The following NCAPG variants were observed in gnomAD, a reference collection of about 807,000 sequenced individuals.
NCAPG encodes condensin complex subunit 3.
In NCAPG, 69 loss-of-function variants were observed where a neutral mutation model predicts 113.1. That is an observed-to-expected ratio of 0.61 (90% CI 0.50 to 0.75). The LOEUF is 0.75. NCAPG is among the 30% of genes least tolerant of loss of function. NCAPG has a pLI of 0.00. For synonymous variants in NCAPG, 370 were observed against 415.8 expected, an observed-to-expected ratio of 0.89 and a Z score of 1.34; for missense variants, 1,058 against 1,177.0, an observed-to-expected ratio of 0.90 and a Z score of 1.48.
At chr4:17,835,394 G>A (rs1450422702) in intron 14 of NCAPG, among the ~76,000 whole-genome samples, 1 of 152,006 alleles carries the variant, frequency 6.6e-6, no homozygotes, top group Non-Finnish European at 1.5e-5. Flanking sequence ...GTCTCGCTCT[G>A]TTGCCCAGGC....
At position 17,811,595 on chromosome 4, in the gene NCAPG, C is replaced by T. The variant is rs1720953170; in HGVS notation, c.111+407C>T. 6.6e-6 allele frequency among the ~76,000 whole-genome samples: 1 copy of T among 152,176 alleles called. No individual in the cohort carries two copies. The highest frequency in any genetic ancestry group is 1.5e-5 in the Non-Finnish European group (1 of 68,030). On this transcript the variant is annotated intron_variant, in intron 1 of 20. Transcript: ENST00000251496. This position sits in a 1 kb window ranked among gnomAD's most constrained non-coding sequence, Gnocchi z 5.3. The stretch of plus-strand genomic sequence containing the variant: ...GTGGTCGTTGCCCCTGGGGTCATCG[C>T]TCCCCGCCGAACATCAAATGATTCT...
intron 12 of NCAPG, among the ~76,000 whole-genome samples, chr4:17,828,720 G>C (rs1053262634): frequency 1.3e-5 from 2 of 152,010 alleles, no homozygotes; most frequent in African/African-American, 2.4e-5. Flanking sequence ...ATTGTGCTAC[G>C]TAATGAGACT....
intron 9 of NCAPG, 108 bp from the exon 10 acceptor site, chr4:17,824,860 C>A: frequency 7.8e-6 from 5 of 639,266 alleles, no homozygotes; most frequent in East Asian, 5.8e-5. Flanking sequence ...TATGTTTTTG[C>A]TCCATTATTC....
chr4:17,840,152 C>T lies in NCAPG; in HGVS notation c.2710C>T (p.Gln904Ter). ...LEKGNKEFGDQAEAAQDATLT... is the reference protein window; with the variant it reads ...LEKGNKEFGD ...AAAAGGAAATAAAGAATTTGGTGACCAAGCTGAAGCAGCACAGGATGCCAC... is the reference window on the plus strand; with the variant it reads ...AAAAGGAAATAAAGAATTTGGTGACTAAGCTGAAGCAGCACAGGATGCCAC... Residue 904 changes from glutamine (Q) to a stop codon, truncating the protein, a stop_gained, in exon 18 of 21, where the codon CAA becomes TAA. Transcript: ENST00000251496. LOFTEE classifies it high-confidence loss of function. 2 of 1,611,522 alleles carry T rather than the reference C, an allele frequency of 1.2e-6. No homozygotes were observed. The highest frequency in any genetic ancestry group is 2.2e-5 in the East Asian group (1 of 44,714).
intron 4 of NCAPG, 65 bp downstream of exon 4, chr4:17,815,063 G>A (rs1721147701): frequency 7.0e-6 from 11 of 1,580,382 alleles, no homozygotes; most frequent in Non-Finnish European, 9.5e-6. Context: ...TTCTTAAAGT[G>A]CCTTTGAAAA....
At chr4:17,814,769 T>TA in intron 3 of NCAPG, 84 bp from the exon 4 acceptor site, 1 of 1,437,320 alleles carries the variant, frequency 7.0e-7, no homozygotes, top group African/African-American at 1.4e-5. Context: ...AAAGGCATTT[T>TA]AAAATATCAA....
At chr4:17,824,494 C>G (rs866671167) in intron 9 of NCAPG, among the ~76,000 whole-genome samples, 12 of 152,052 alleles carry the variant, frequency 7.9e-5, no homozygotes, top group Admixed American at 7.2e-4. Context: ...CCTGATCAGC[C>G]AATTCCAATA....
chr4:17,842,507 G>A (rs1241359151), intron 20 of NCAPG, 128 bp downstream of exon 20: 2 of 736,024 alleles, frequency 2.7e-6, no homozygotes, highest in South Asian at 1.7e-5. Flanking sequence ...ATAAATAGCT[G>A]TCTTAGGTAT....
intron 7 of NCAPG, among the ~76,000 whole-genome samples, chr4:17,820,556 C>A (rs554989715): frequency 1.3e-5 from 2 of 151,838 alleles, no homozygotes; most frequent in African/African-American, 4.8e-5. Context: ...GAGCCGAGAT[C>A]GCGCCACTGC....
Position 17,844,122 on chromosome 4 carries a change from TAAC to T in NCAPG, c.*700_*702del, listed in dbSNP as rs1394182279. 4 of 151,972 alleles carry T rather than the reference TAAC, an allele frequency of 2.6e-5. No individual in the cohort carries two copies. Among genetic ancestry groups the T allele is most frequent in the African/African-American group, 4.8e-5 (2 of 41,428 alleles). 9.4% of individuals were successfully genotyped at this position (151,972 alleles called of 1,614,324 possible). A position where few individuals can be genotyped will look rare whatever the true frequency, so the allele number is the denominator to read the frequency against. On this transcript the variant is annotated 3_prime_UTR_variant, in exon 21 of 21. Transcript: ENST00000251496. ...GAAGCTGCTCGCTATATTTTTGGCATAACAAAATAATATTTATTTACTGTGGAT... is the reference window on the plus strand; with the variant it reads ...GAAGCTGCTCGCTATATTTTTGGCATAAAATAATATTTATTTACTGTGGAT...
At chr4:17,817,687 TCTTA>T (rs1333623990) in intron 6 of NCAPG, among the ~76,000 whole-genome samples, 1 of 152,166 alleles carries the variant, frequency 6.6e-6, no homozygotes, top group Non-Finnish European at 1.5e-5. Flanking sequence ...CCCTTCAGTT[TCTTA>T]CTTTGATTTT....
chr4:17,837,070 C>A lies in NCAPG; in HGVS notation c.2110-89C>A, dbSNP rs1422619177. 4 of 1,118,472 alleles carry A rather than the reference C, an allele frequency of 3.6e-6. No homozygotes were observed. In the South Asian group the frequency reaches 6.5e-5, roughly 18 times the overall value. The allele number at this position is 1,118,472 out of a possible 1,614,324, so 69.3% of individuals were successfully genotyped here. On this transcript the variant is annotated intron_variant, in intron 14 of 20. Transcript: ENST00000251496. ...TAACTCGAATGGTTTTTGGATGGTT[C>A]GTGTAAAAATACTGTAGGACAGGCT...
At chr4:17,816,239 C>T (rs1336304434) in intron 5 of NCAPG, among the ~76,000 whole-genome samples, 1 of 152,176 alleles carries the variant, frequency 6.6e-6, no homozygotes, top group South Asian at 2.1e-4. Context: ...AACCTGGATA[C>T]CTCATGTGCG....
chr4:17,829,088 C>A (rs1721771646), intron 12 of NCAPG, among the ~76,000 whole-genome samples: 1 of 152,098 alleles, frequency 6.6e-6, no homozygotes. Flanking sequence ...TTCTGTTTTG[C>A]ATACTAAGTC....
intron 20 of NCAPG, 186 bp downstream of exon 20, chr4:17,842,565 T>C (rs915603174): frequency 3.6e-6 from 2 of 550,444 alleles, no homozygotes; most frequent in Non-Finnish European, 6.6e-6. Context: ...TTACGGCGTG[T>C]TTGCTTTTGC....
chr4:17,826,675 G>A (rs1721669350), intron 11 of NCAPG, among the ~76,000 whole-genome samples: 1 of 152,086 alleles, frequency 6.6e-6, no homozygotes, highest in South Asian at 2.1e-4. Context: ...TGTCCTGTTC[G>A]AGGGCTACAA....
chr4:17,819,407 A>ATT (rs11430673), intron 7 of NCAPG, among the ~76,000 whole-genome samples: 5 of 145,202 alleles, frequency 3.4e-5, no homozygotes, highest in Non-Finnish European at 7.6e-5. Flanking sequence ...TTTATGGTTT[A>ATT]TTTTTTTTTT....
chr4:17,843,158 A>AT, intron 20 of NCAPG, 144 bp from the exon 21 acceptor site: 1 of 836,058 alleles, frequency 1.2e-6, no homozygotes, highest in South Asian at 2.2e-5. Context: ...TGACATTGAG[A>AT]TTTTAGTTTT....
chr4:17,815,326 T>C lies in NCAPG; in HGVS notation c.743T>C (p.Met248Thr), dbSNP rs1402890533. 6.3e-7 allele frequency: 1 copy of C among 1,586,928 alleles called. No homozygotes were observed. Among genetic ancestry groups the C allele is most frequent in the Admixed American group, 2.0e-5 (1 of 49,740 alleles). ...GCTATGTCCATTGCTCAGAGAGTAATGCTCCTTCAACAAGGTCTTAATGAC... is the reference window on the plus strand; with the variant it reads ...GCTATGTCCATTGCTCAGAGAGTAACGCTCCTTCAACAAGGTCTTAATGAC... ...MRAMSIAQRV[M>T]LLQQGLNDRS... Residue 248 changes from methionine to threonine, a missense_variant, in exon 5 of 21, where the codon ATG (methionine) becomes ACG (threonine). Coordinates refer to ENST00000251496, the MANE Select transcript of NCAPG (RefSeq NM_022346.5).
Sources: allele counts gnomAD v4.1 joint callset (sites outside exome capture counted in the v4.1 genomes callset), GRCh38; gene constraint gnomAD v4.1.1; non-coding constraint Gnocchi (gnomAD v3.1); transcripts MANE v1.5; gene names NCBI Gene and HGNC (gene_info 2026-07-23, HGNC 2026-07-21).